The following FMN1 variants were observed in gnomAD, a reference collection of about 807,000 sequenced individuals.
The protein encoded by FMN1 is formin 1, also known as formin-1.
In FMN1, 110 loss-of-function variants were observed where a neutral mutation model predicts 132.4. The ratio of observed to expected loss-of-function variants is 0.83; its 90% confidence interval spans 0.71 to 0.97. FMN1 has a LOEUF of 0.97. Ranked by LOEUF, FMN1 falls within the 50% of genes least tolerant of loss-of-function variation. The pLI, the probability that FMN1 is intolerant of heterozygous loss-of-function variation, is 0.00. For missense variants in FMN1, 1,792 were observed against 1,705.3 expected (o/e 1.05, Z -0.90); for synonymous variants, 722 against 651.7 (o/e 1.11, Z -1.64).
intron 9 of FMN1, among the ~76,000 whole-genome samples, chr15:32,957,325 T>A (rs987862886): frequency 5.1e-5 from 7 of 137,324 alleles, no homozygotes; most frequent in South Asian, 2.4e-4. Context: ...TTTTTTTTTT[T>A]ACAGGAACCA....
intron 9 of FMN1, 114 bp from the exon 10 acceptor site, chr15:32,926,375 GATGCTGC>G (rs1160367083): frequency 3.4e-6 from 2 of 587,052 alleles, no homozygotes; most frequent in African/African-American, 4.8e-5. Context: ...GAACTAAATT[GATGCTGC>G]ATGCACTCTT....
chr15:32,951,646 T>C (rs774984942), intron 9 of FMN1, among the ~76,000 whole-genome samples: 3 of 152,202 alleles, frequency 2.0e-5, no homozygotes, highest in Non-Finnish European at 4.4e-5. Flanking sequence ...GGTAATAGCA[T>C]AGTGAAAGCA....
intron 7 of FMN1, among the ~76,000 whole-genome samples, chr15:32,975,632 A>C (rs1049287285): frequency 6.6e-6 from 1 of 151,964 alleles, no homozygotes; most frequent in African/African-American, 2.4e-5. Flanking sequence ...AAAACATCCA[A>C]ATTTTTTTTT....
At chr15:32,822,470 T>C (rs2058244988) in intron 17 of FMN1, among the ~76,000 whole-genome samples, 1 of 152,236 alleles carries the variant, frequency 6.6e-6, no homozygotes, top group Admixed American at 6.5e-5. Flanking sequence ...TTTAGAATTC[T>C]AGGTTCTGAT....
At chr15:33,074,290 G>A (rs1182763958) in intron 5 of FMN1, among the ~76,000 whole-genome samples, 1 of 152,188 alleles carries the variant, frequency 6.6e-6, no homozygotes, top group East Asian at 1.9e-4. Flanking sequence ...GGAATATAAA[G>A]CCAAACAAAA....
intron 6 of FMN1, among the ~76,000 whole-genome samples, chr15:33,056,948 A>T (rs1010793315): frequency 2.6e-5 from 4 of 152,206 alleles, no homozygotes; most frequent in African/African-American, 9.7e-5. Flanking sequence ...AGGCTGAGGC[A>T]GGCGATCACT....
chr15:32,899,847 C>A, intron 14 of FMN1, 132 bp downstream of exon 14: 14 of 862,026 alleles, frequency 1.6e-5, no homozygotes, highest in South Asian at 5.8e-5. Context: ...CAAAAAAATG[C>A]ATGCTCTAAT....
At chr15:32,971,919 G>A (rs2031824915) in intron 7 of FMN1, among the ~76,000 whole-genome samples, 1 of 152,116 alleles carries the variant, frequency 6.6e-6, no homozygotes, top group Admixed American at 6.5e-5. Context: ...TAAATCTGTT[G>A]AAGCTGACAT....
intron 6 of FMN1, among the ~76,000 whole-genome samples, chr15:33,031,065 T>A (rs1162253276): frequency 2.1e-5 from 3 of 145,978 alleles, no homozygotes; most frequent in African/African-American, 7.5e-5. Context: ...GTGTGGGAAT[T>A]ATTATTATTA....
intron 7 of FMN1, among the ~76,000 whole-genome samples, chr15:32,979,555 CAAAAA>C (rs66993265): frequency 1.6e-4 from 9 of 57,448 alleles, no homozygotes; most frequent in African/African-American, 2.1e-4. Flanking sequence ...GACTCTGTCT[CAAAAA>C]AAAAAAAAAA....
chr15:32,814,035 G>A (rs16959110), intron 17 of FMN1, among the ~76,000 whole-genome samples: 1 of 151,916 alleles, frequency 6.6e-6, no homozygotes, highest in African/African-American at 2.4e-5. Flanking sequence ...CAGCTTTCAC[G>A]CTAAATTTCC....
chr15:32,787,501 A>G (rs75897676), intron 19 of FMN1, among the ~76,000 whole-genome samples: 5,566 of 152,306 alleles, frequency 0.037, 234 homozygotes, highest in African/African-American at 0.096. Context: ...GAAAGTAAGA[A>G]TACCAGCAGA....
chr15:32,870,534 C>G (rs1207125046), intron 16 of FMN1, among the ~76,000 whole-genome samples: 2 of 152,178 alleles, frequency 1.3e-5, no homozygotes, highest in African/African-American at 4.8e-5. Context: ...TTTGGAAAGA[C>G]TTGCAAAGCT....
chr15:33,082,053 G>GTGTGTGTGTGTGTGTGTGTGTGT (rs540217494), intron 5 of FMN1, among the ~76,000 whole-genome samples: 1 of 134,470 alleles, frequency 7.4e-6, no homozygotes, highest in African/African-American at 2.7e-5. Flanking sequence ...GTGTGTGTGT[G>GTGTGTGTGTGTGTGTGTGTGTGT]TAAGACGGAG....
chr15:32,983,608 T>C (rs1566790547), intron 7 of FMN1, among the ~76,000 whole-genome samples: 1 of 152,188 alleles, frequency 6.6e-6, no homozygotes, highest in Non-Finnish European at 1.5e-5. Flanking sequence ...AACACTAATA[T>C]AATGTTACAT....
chr15:32,890,930 G>C (rs138171262), intron 15 of FMN1, among the ~76,000 whole-genome samples: 52 of 152,218 alleles, frequency 3.4e-4, no homozygotes, highest in African/African-American at 1.3e-3. Flanking sequence ...TGAGAGATGA[G>C]GATCCAGTTT....
rs998021355 is a variant in FMN1 at position 33,151,422 on chromosome 15, G to A, written c.1867+1626C>T. 2.6e-6 allele frequency: 4 copies of A among 1,531,860 alleles called. No individual in the cohort carries two copies. In the African/African-American group the frequency reaches 4.1e-5, roughly 16 times the overall value. The allele number at this position is 1,531,860 out of a possible 1,614,324, so 94.9% of individuals were successfully genotyped here. On this transcript the variant is annotated intron_variant, in intron 4 of 20. Transcript: ENST00000616417. ...GGAATGTTGAGTGATTGCACGGAGA[G>A]GCCAAAGGAACATGTGATCATCCAT...
chr15:32,915,083 C>T (rs2060652232), intron 10 of FMN1, among the ~76,000 whole-genome samples: 1 of 152,124 alleles, frequency 6.6e-6, no homozygotes, highest in Non-Finnish European at 1.5e-5. Flanking sequence ...GAGCCTAGAA[C>T]TTATGGAGAT....
chr15:33,124,026 G>A (rs956533182), intron 4 of FMN1, among the ~76,000 whole-genome samples: 2 of 152,078 alleles, frequency 1.3e-5, no homozygotes, highest in Non-Finnish European at 2.9e-5. Flanking sequence ...TCCAGCAAAG[G>A]ACTGGGGAAC....
Sources: gnomAD v4.1 joint callset for allele counts (sites outside exome capture counted in the v4.1 genomes callset) on GRCh38, gnomAD v4.1.1 for gene constraint, MANE v1.5 for transcripts, NCBI Gene and HGNC (gene_info 2026-07-23, HGNC 2026-07-21) for gene names.